MYO5B: variants seen among roughly 807,000 people sequenced by gnomAD.
MYO5B encodes unconventional myosin-Vb.
In MYO5B, 143 loss-of-function variants were observed where a neutral mutation model predicts 229.3. That is an observed-to-expected ratio of 0.62 (90% CI 0.54 to 0.72). The LOEUF (loss-of-function observed/expected upper bound fraction) is 0.72. MYO5B is among the 30% of genes least tolerant of loss of function. The pLI, the probability that MYO5B is intolerant of heterozygous loss-of-function variation, is 0.00. For missense variants in MYO5B, 2,321 were observed against 2,331.0 expected, an observed-to-expected ratio of 1.00 and a Z score of 0.09; for synonymous variants, 918 against 885.2, an observed-to-expected ratio of 1.04 and a Z score of -0.66.
intron 1 of MYO5B, among the ~76,000 whole-genome samples, chr18:50,105,015 A>G (rs1280303737): frequency 6.6e-6 from 1 of 151,882 alleles, no homozygotes; most frequent in Non-Finnish European, 1.5e-5. Flanking sequence ...GAGGGGGTAC[A>G]CGAGGACATC....
At chr18:49,905,349 C>T (rs752212830) in intron 19 of MYO5B, among the ~76,000 whole-genome samples, 10 of 152,122 alleles carry the variant, frequency 6.6e-5, no homozygotes, top group Non-Finnish European at 1.2e-4. Context: ...CCTTTCTGCT[C>T]GGGATGCATG....
chr18:49,960,974 C>A lies in MYO5B; in HGVS notation c.1545+1292G>T, dbSNP rs117482873. Reference sequence around the variant, plus strand: ...GCATCCCAGAGGCCTGGGTTGGACACAAGACATGGCGCTGCCTTTAGCTTC... The same window carrying A: ...GCATCCCAGAGGCCTGGGTTGGACAAAAGACATGGCGCTGCCTTTAGCTTC... On this transcript the variant is annotated intron_variant, in intron 12 of 39. Transcript: ENST00000285039. Among the ~76,000 whole-genome samples, 7 of 152,302 alleles carry A rather than the reference C, an allele frequency of 4.6e-5. No individual in the cohort carries two copies. In the East Asian group the frequency reaches 1.4e-3, roughly 29 times the overall value.
chr18:50,083,775 G>A (rs1359792625), intron 1 of MYO5B, among the ~76,000 whole-genome samples: 1 of 152,094 alleles, frequency 6.6e-6, no homozygotes. Context: ...GTTGGGAGGA[G>A]GTAAAACCTC....
intron 19 of MYO5B, 37 bp downstream of exon 19, chr18:49,906,382 A>G: frequency 1.3e-6 from 2 of 1,599,924 alleles, no homozygotes; most frequent in South Asian, 2.2e-5. Flanking sequence ...CTTCCCCACC[A>G]TGATCTGCTG....
intron 39 of MYO5B, among the ~76,000 whole-genome samples, chr18:49,826,943 G>A (rs2023854429): frequency 6.7e-6 from 1 of 148,622 alleles, no homozygotes; most frequent in Non-Finnish European, 1.5e-5. Flanking sequence ...AAGTGGCCAA[G>A]GGCATGGGTT....
At chr18:50,034,039 C>A (rs1353881376) in intron 4 of MYO5B, among the ~76,000 whole-genome samples, 1 of 152,028 alleles carries the variant, frequency 6.6e-6, no homozygotes, top group Non-Finnish European at 1.5e-5. Flanking sequence ...ATCCAGTCCC[C>A]AGTGAATCAA....
chr18:50,186,719 A>G (rs899653945), intron 1 of MYO5B, among the ~76,000 whole-genome samples: 12 of 152,182 alleles, frequency 7.9e-5, no homozygotes, highest in African/African-American at 2.9e-4. Flanking sequence ...AGCACTTCAC[A>G]TGGATTAGGA....
chr18:50,158,760 C>T (rs550195766), intron 1 of MYO5B, among the ~76,000 whole-genome samples: 3 of 152,268 alleles, frequency 2.0e-5, no homozygotes, highest in East Asian at 1.9e-4. Flanking sequence ...CCAGAACATG[C>T]CCCATTATGG....
chr18:50,188,816 A>AACAC (rs1555668147), intron 1 of MYO5B, among the ~76,000 whole-genome samples: 6 of 141,298 alleles, frequency 4.2e-5, no homozygotes, highest in African/African-American at 1.6e-4. Flanking sequence ...AAAAAAAAAA[A>AACAC]ACACACACAC....
intron 1 of MYO5B, chr18:50,064,579 G>A (rs1598992678): frequency 6.6e-6 from 1 of 152,222 alleles, no homozygotes; most frequent in Admixed American, 6.5e-5. Flanking sequence ...CATTTTCAAA[G>A]CTCACTGACA....
intron 1 of MYO5B, among the ~76,000 whole-genome samples, chr18:50,132,317 G>A (rs187035705): frequency 5.3e-5 from 8 of 152,316 alleles, no homozygotes; most frequent in African/African-American, 1.7e-4. Flanking sequence ...CTACTTCTTA[G>A]CTGTGTGACC....
intron 1 of MYO5B, among the ~76,000 whole-genome samples, chr18:50,173,882 G>C (rs1156560781): frequency 6.6e-6 from 1 of 152,198 alleles, no homozygotes; most frequent in African/African-American, 2.4e-5. Context: ...GGCAAATGTT[G>C]TGTGTCAAAC....
At chr18:49,919,715 C>T (rs1372417034) in intron 17 of MYO5B, among the ~76,000 whole-genome samples, 2 of 152,212 alleles carry the variant, frequency 1.3e-5, no homozygotes, top group Non-Finnish European at 2.9e-5. Context: ...CTCATGTACG[C>T]TGCTGGTAAG....
intron 1 of MYO5B, among the ~76,000 whole-genome samples, chr18:50,162,023 G>A (rs901742126): frequency 4.6e-5 from 7 of 152,368 alleles, no homozygotes; most frequent in Admixed American, 6.5e-5. Flanking sequence ...AGGTACCTGC[G>A]TGCAACGCAG....
At chr18:49,942,669 C>T (rs2025330259) in intron 14 of MYO5B, among the ~76,000 whole-genome samples, 1 of 151,652 alleles carries the variant, frequency 6.6e-6, no homozygotes, top group Non-Finnish European at 1.5e-5. Flanking sequence ...AATGAGATAC[C>T]ATCTCACACC....
intron 1 of MYO5B, among the ~76,000 whole-genome samples, chr18:50,115,895 T>A (rs2031954130): frequency 2.6e-5 from 4 of 152,200 alleles, no homozygotes; most frequent in African/African-American, 9.7e-5. Context: ...AATGGCTGCT[T>A]GCCTTCTACT....
rs189063549 is a variant in MYO5B, at chr18:50,037,083, C to T, written c.311-89G>A. The T allele has an allele frequency of 9.0e-4, 1,302 of 1,447,176 alleles. 2 individuals are homozygous for T. Among genetic ancestry groups the T allele is most frequent in the Non-Finnish European group, 9.7e-4 (1,009 of 1,037,212 alleles). 89.6% of individuals were successfully genotyped at this position (1,447,176 alleles called of 1,614,324 possible). A position where few individuals can be genotyped will look rare whatever the true frequency, so the allele number is the denominator to read the frequency against. ...GGCACCCATCCATTCATACACATGC[C>T]AAAAACCAAAGAATGAGAGGGCAGC... On this transcript the variant is annotated intron_variant, in intron 3 of 39. Transcript: ENST00000285039.
At chr18:49,924,635 C>G (rs2025109913) in intron 17 of MYO5B, among the ~76,000 whole-genome samples, 1 of 152,214 alleles carries the variant, frequency 6.6e-6, no homozygotes, top group Admixed American at 6.5e-5. Context: ...TCACCCCTTC[C>G]TCCTCTGATA....
Position 49,974,431 on chromosome 18 carries a change from C to T in MYO5B, c.1241G>A (p.Gly414Asp), listed in dbSNP as rs2025722501. ...CTTGTTGATGTGCTCCACAATCCAG[C>T]CGAACAACTGGGCATAGATGTGCTT... is the stretch of plus-strand genomic sequence containing the variant. ...LAKHIYAQLF[G>D]WIVEHINKAL... The change falls in exon 10 of 40, where the codon GGC becomes GAC. Residue 414 changes from glycine to aspartate, a missense_variant. By Grantham distance (94) the Gly-to-Asp change is moderately conservative. Transcript: ENST00000285039. 6 of 1,614,176 alleles carry T rather than the reference C, an allele frequency of 3.7e-6. No individual in the cohort carries two copies. Among genetic ancestry groups the T allele is most frequent in the Non-Finnish European group, 4.2e-6 (5 of 1,180,024 alleles).
Sources: gnomAD v4.1 joint callset for allele counts (sites outside exome capture counted in the v4.1 genomes callset) on GRCh38, gnomAD v4.1.1 for gene constraint, MANE v1.5 for transcripts, NCBI Gene and HGNC (gene_info 2026-07-23, HGNC 2026-07-21) for gene names.